The following PTPRT variants were observed in gnomAD, a reference collection of about 807,000 sequenced individuals.
PTPRT encodes protein tyrosine phosphatase receptor type T.
A neutral mutation model predicts 176.8 loss-of-function variants in PTPRT; 56 were observed. The observed-to-expected ratio is 0.32, with a 90% CI of 0.26 to 0.40. The LOEUF is 0.40. Among genes scored for constraint, PTPRT ranks in the 10% least tolerant of loss-of-function variants. The pLI, the probability that PTPRT is intolerant of heterozygous loss-of-function variation, is 1.00. For missense variants in PTPRT, 1,540 were observed against 1,908.2 expected (o/e 0.81, Z 3.60); for synonymous variants, 783 against 739.0 (o/e 1.06, Z -0.96).
At position 42,610,960 on chromosome 20, in the gene PTPRT, A is replaced by G. The variant is rs147482202; in HGVS notation, c.1153+66906T>C. Reference sequence around the variant, plus strand: ...TCGTGTCTGACTTCTTTCCCTTATCATGTTATTTCAAGGTTTGTCTATGTT... The same window carrying G: ...TCGTGTCTGACTTCTTTCCCTTATCGTGTTATTTCAAGGTTTGTCTATGTT... On this transcript the variant is annotated intron_variant, in intron 7 of 30. Coordinates refer to ENST00000373187, the MANE Select transcript of PTPRT (RefSeq NM_007050.6). Among the ~76,000 whole-genome samples, 307 of 152,108 alleles carry G rather than the reference A, an allele frequency of 2.0e-3. 5 individuals are homozygous for G. Among genetic ancestry groups the G allele is most frequent in the East Asian group, 0.014 (70 of 5,170 alleles).
intron 1 of PTPRT, among the ~76,000 whole-genome samples, chr20:43,100,659 T>C (rs994215002): frequency 1.3e-5 from 2 of 152,304 alleles, no homozygotes; most frequent in Admixed American, 1.3e-4. Context: ...GTCAGGGACA[T>C]AAACGGCTCT....
chr20:42,710,496 G>C (rs1215514343), intron 6 of PTPRT, among the ~76,000 whole-genome samples: 1 of 152,238 alleles, frequency 6.6e-6, no homozygotes, highest in Non-Finnish European at 1.5e-5. Context: ...CAATCCATAA[G>C]CCTTGGAAGC....
At chr20:42,919,531 G>T (rs148872007) in intron 1 of PTPRT, among the ~76,000 whole-genome samples, 2 of 152,108 alleles carry the variant, frequency 1.3e-5, no homozygotes, top group East Asian at 1.9e-4. Flanking sequence ...AAAAACAGGG[G>T]TTCTATGTGA....
intron 7 of PTPRT, among the ~76,000 whole-genome samples, chr20:42,633,827 A>C (rs1268022772): frequency 1.0e-5 from 1 of 95,324 alleles, no homozygotes; most frequent in Non-Finnish European, 1.9e-5. Context: ...ATAATAAAAT[A>C]TTAATATATT....
chr20:42,463,700 A>G (rs973377297), intron 8 of PTPRT, among the ~76,000 whole-genome samples: 2 of 152,120 alleles, frequency 1.3e-5, no homozygotes, highest in African/African-American at 4.8e-5. Flanking sequence ...ATACCAAGGT[A>G]GTATATATAA....
chr20:42,059,395 T>A, the PTPRT span, among the ~76,000 whole-genome samples: 1 of 152,168 alleles, frequency 6.6e-6, no homozygotes, highest in Non-Finnish European at 1.5e-5. Context: ...CTGAGGGACC[T>A]CATAGGAAAT....
chr20:42,221,935 A>G (rs2146792971), intron 15 of PTPRT, among the ~76,000 whole-genome samples: 1 of 152,140 alleles, frequency 6.6e-6, no homozygotes, highest in East Asian at 1.9e-4. Context: ...CCCTCCCTCG[A>G]CACATGGGGA....
intron 5 of PTPRT, among the ~76,000 whole-genome samples, chr20:42,769,054 C>T (rs1438158769): frequency 6.6e-6 from 1 of 152,230 alleles, no homozygotes; most frequent in African/African-American, 2.4e-5. Flanking sequence ...GCCTAATACA[C>T]TTGAACACTA....
At chr20:43,162,293 C>T (rs1013622525) in intron 1 of PTPRT, among the ~76,000 whole-genome samples, 1 of 152,172 alleles carries the variant, frequency 6.6e-6, no homozygotes, top group South Asian at 2.1e-4. Flanking sequence ...GTGCTTACTA[C>T]GTGTTTTATA....
chr20:42,556,391 C>T (rs1181299176), intron 7 of PTPRT, among the ~76,000 whole-genome samples: 1 of 152,152 alleles, frequency 6.6e-6, no homozygotes, highest in Non-Finnish European at 1.5e-5. Context: ...CTCATATTTA[C>T]AAATGAGAAC....
At chr20:43,028,397 C>T (rs1986004719) in intron 1 of PTPRT, among the ~76,000 whole-genome samples, 1 of 152,198 alleles carries the variant, frequency 6.6e-6, no homozygotes, top group Admixed American at 6.5e-5. Flanking sequence ...CACCTCCCAA[C>T]TTCCCTGAAG....
chr20:42,314,782 G>C (rs548387777), intron 12 of PTPRT, among the ~76,000 whole-genome samples: 1 of 152,138 alleles, frequency 6.6e-6, no homozygotes, highest in African/African-American at 2.4e-5. Flanking sequence ...CAAGAACAAT[G>C]GATAGAAACT....
intron 1 of PTPRT, among the ~76,000 whole-genome samples, chr20:43,110,870 CT>C (rs1301266297): frequency 6.6e-6 from 1 of 152,126 alleles, no homozygotes; most frequent in African/African-American, 2.4e-5. Flanking sequence ...CAGTGAGCCT[CT>C]TTTCTGACCT....
intron 15 of PTPRT, among the ~76,000 whole-genome samples, chr20:42,226,225 C>G (rs2056006740): frequency 6.6e-6 from 1 of 152,190 alleles, no homozygotes; most frequent in Admixed American, 6.5e-5. Flanking sequence ...GGGAATTGCT[C>G]AGCAAATGCT....
At chr20:42,385,661 A>G (rs1278558710) in intron 9 of PTPRT, among the ~76,000 whole-genome samples, 1 of 152,222 alleles carries the variant, frequency 6.6e-6, no homozygotes, top group African/African-American at 2.4e-5. Context: ...ACAGTTCCAC[A>G]TGGCTGAGGA....
intron 13 of PTPRT, among the ~76,000 whole-genome samples, chr20:42,259,647 G>T (rs917613159): frequency 6.6e-6 from 1 of 152,188 alleles, no homozygotes; most frequent in Admixed American, 6.5e-5. Context: ...ATACTTTGTA[G>T]ACTGGGTTAG....
At chr20:42,955,859 G>A (rs1237855307) in intron 1 of PTPRT, among the ~76,000 whole-genome samples, 22 of 147,068 alleles carry the variant, frequency 1.5e-4, no homozygotes, top group Admixed American at 1.5e-3. Flanking sequence ...GGGAGAAGGA[G>A]GGAGGGAGGG....
chr20:42,778,574 G>A (rs1440629655), intron 4 of PTPRT, among the ~76,000 whole-genome samples: 1 of 152,170 alleles, frequency 6.6e-6, no homozygotes, highest in Non-Finnish European at 1.5e-5. Context: ...AAGACAGAAG[G>A]CATGTTTCAG....
chr20:42,363,017 T>A (rs2058450945), intron 9 of PTPRT, among the ~76,000 whole-genome samples: 1 of 131,960 alleles, frequency 7.6e-6, no homozygotes, highest in South Asian at 2.5e-4. Flanking sequence ...GGCAGGAGAA[T>A]CACTTGAATG....
Sources: allele counts gnomAD v4.1 joint callset (sites outside exome capture counted in the v4.1 genomes callset), GRCh38; gene constraint gnomAD v4.1.1; transcripts MANE v1.5; gene names NCBI Gene and HGNC (gene_info 2026-07-23, HGNC 2026-07-21).